The following ZC3H12B variants were observed in gnomAD, a reference collection of about 807,000 sequenced individuals.
ZC3H12B encodes zinc finger CCCH-type containing 12B, also known as probable ribonuclease ZC3H12B.
In ZC3H12B, 7 loss-of-function variants were observed where a neutral mutation model predicts 43.9. The ratio of observed to expected loss-of-function variants is 0.16; its 90% CI spans 0.09 to 0.30. The LOEUF (loss-of-function observed/expected upper bound fraction) is 0.30. Ranked by LOEUF, ZC3H12B falls within the 10% of genes least tolerant of loss-of-function variation. ZC3H12B has a pLI of 1.00. For missense variants in ZC3H12B, 475 were observed against 670.2 expected (o/e 0.71, Z 3.22); for synonymous variants, 222 against 241.7 (o/e 0.92, Z 0.76).
the ZC3H12B span, among the ~76,000 whole-genome samples, chrX:65,179,619 G>A: frequency 3.0e-4 from 33 of 110,666 alleles, no homozygotes; most frequent in South Asian, 0.012. Flanking sequence ...GAAGAAAAGG[G>A]AGAAGAGTGA....
intron 3 of ZC3H12B, among the ~76,000 whole-genome samples, chrX:65,435,855 C>T (rs749468620): frequency 8.9e-6 from 1 of 111,859 alleles, no homozygotes; most frequent in African/African-American, 3.3e-5. Flanking sequence ...TCAGAAGAAC[C>T]AATGGTGTAA....
the ZC3H12B span, among the ~76,000 whole-genome samples, chrX:65,301,493 C>T: frequency 9.2e-6 from 1 of 109,145 alleles, no homozygotes; most frequent in Non-Finnish European, 1.9e-5. Context: ...TACACGTATA[C>T]ATACACACTG....
chrX:65,055,762 A>G, the ZC3H12B span, among the ~76,000 whole-genome samples: 1 of 111,249 alleles, frequency 9.0e-6, no homozygotes, highest in African/African-American at 3.3e-5. Context: ...CCTCACTTTC[A>G]GAGCCTGTTA....
At chrX:65,071,475 T>C in the ZC3H12B span, among the ~76,000 whole-genome samples, 15 of 110,685 alleles carry the variant, frequency 1.4e-4, no homozygotes, top group Non-Finnish European at 2.6e-4. Context: ...TATTGGTATG[T>C]GTGGATTTTC....
the ZC3H12B span, among the ~76,000 whole-genome samples, chrX:65,230,378 C>T: frequency 1.9e-5 from 2 of 106,903 alleles, no homozygotes; most frequent in Non-Finnish European, 3.8e-5. Context: ...ACTCTGGGGA[C>T]TGTTGTGGGA....
At chrX:65,347,675 T>A in the ZC3H12B span, among the ~76,000 whole-genome samples, 682 of 112,484 alleles carry the variant, frequency 6.1e-3, 4 homozygotes, top group African/African-American at 0.021. Flanking sequence ...GAAGTCAGTG[T>A]GGCGATTCCT....
the ZC3H12B span, among the ~76,000 whole-genome samples, chrX:65,218,751 A>G: frequency 1.8e-5 from 2 of 111,630 alleles, no homozygotes; most frequent in African/African-American, 6.5e-5. Context: ...TAGCAAAAGA[A>G]AAAGGACATA....
chrX:65,322,968 TG>T, the ZC3H12B span, among the ~76,000 whole-genome samples: 1 of 112,096 alleles, frequency 8.9e-6, no homozygotes, highest in Admixed American at 9.5e-5. Context: ...ATATTTTTTG[TG>T]TTAGTGATTT....
chrX:65,327,155 C>T, the ZC3H12B span, among the ~76,000 whole-genome samples: 2 of 111,076 alleles, frequency 1.8e-5, no homozygotes, highest in Admixed American at 9.6e-5. Context: ...ATCAGTATTT[C>T]AAAGATGTCA....
At chrX:65,469,739 G>A (rs932747006) in intron 3 of ZC3H12B, 1 of 121,423 alleles carries the variant, frequency 8.2e-6, no homozygotes, top group South Asian at 3.1e-4. Context: ...GAGAGGCCGA[G>A]GCAGGTGGAT....
chrX:65,424,690 G>T (rs918455249), intron 3 of ZC3H12B, among the ~76,000 whole-genome samples: 4 of 111,854 alleles, frequency 3.6e-5, no homozygotes, highest in Non-Finnish European at 5.6e-5. Flanking sequence ...CATATGGCTA[G>T]CCAGTTCTCC....
chrX:65,243,454 G>A, the ZC3H12B span, among the ~76,000 whole-genome samples: 1 of 111,523 alleles, frequency 9.0e-6, no homozygotes, highest in East Asian at 2.8e-4. Flanking sequence ...TTATCAAGAA[G>A]ACAAAAAAAT....
intron 3 of ZC3H12B, chrX:65,469,533 G>A (rs2067877055): frequency 1.9e-5 from 6 of 316,447 alleles, no homozygotes; most frequent in African/African-American, 1.3e-4. Flanking sequence ...TGTTGCTCTC[G>A]TGCTTTGGCA....
intron 3 of ZC3H12B, among the ~76,000 whole-genome samples, chrX:65,456,401 CTCCCT>C (rs2067610965): frequency 6.4e-5 from 2 of 31,416 alleles, no homozygotes; most frequent in East Asian, 2.0e-3. Context: ...CCCTCTCCCT[CTCCCT>C]CTCCCTCTCC....
At chrX:65,305,919 A>C in the ZC3H12B span, among the ~76,000 whole-genome samples, 30 of 111,992 alleles carry the variant, frequency 2.7e-4, no homozygotes, top group Admixed American at 2.6e-3. Context: ...ATTATTTCTA[A>C]ATCTACTGTT....
At chrX:65,324,541 A>AT in the ZC3H12B span, among the ~76,000 whole-genome samples, 1 of 110,256 alleles carries the variant, frequency 9.1e-6, no homozygotes, top group African/African-American at 3.3e-5. Flanking sequence ...TTTCCTTTTA[A>AT]TTTTTTTTAT....
At chrX:65,177,422 G>A in the ZC3H12B span, among the ~76,000 whole-genome samples, 1 of 111,939 alleles carries the variant, frequency 8.9e-6, no homozygotes, top group Non-Finnish European at 1.9e-5. Context: ...TGGAAGTTCT[G>A]GCCAGGGCAA....
chrX:65,363,514 C>A (rs949227413), upstream of ZC3H12B, among the ~76,000 whole-genome samples: 1 of 111,738 alleles, frequency 8.9e-6, no homozygotes, highest in Admixed American at 9.5e-5. Flanking sequence ...AAAAGGAAAT[C>A]TAGCTGATCC....
At chrX:65,081,271 A>C in the ZC3H12B span, among the ~76,000 whole-genome samples, 1 of 111,574 alleles carries the variant, frequency 9.0e-6, no homozygotes, top group Non-Finnish European at 1.9e-5. Context: ...GACATGAGTA[A>C]GTTCTTATTT....
Sources: gnomAD v4.1 joint callset for allele counts (sites outside exome capture counted in the v4.1 genomes callset) on GRCh38, gnomAD v4.1.1 for gene constraint, MANE v1.5 for transcripts, NCBI Gene and HGNC (gene_info 2026-07-23, HGNC 2026-07-21) for gene names.